PALM2AKAP2: variants seen among roughly 807,000 people sequenced by gnomAD.
PALM2AKAP2 encodes PALM2 and AKAP2 fusion, also known as PALM2-AKAP2 fusion protein.
PALM2AKAP2 carries 37 observed loss-of-function variants against 71.5 expected under a neutral mutation model. That is an observed-to-expected ratio of 0.52 (90% CI 0.40 to 0.68). The LOEUF (loss-of-function observed/expected upper bound fraction) is 0.68. Ranked by LOEUF, PALM2AKAP2 falls within the 30% of genes least tolerant of loss-of-function variation. The probability of loss-of-function intolerance (pLI) is 0.00; values close to 1 mark genes in which losing one functional copy is unlikely to be tolerated. For missense variants in PALM2AKAP2, 1,224 were observed against 1,191.8 expected (o/e 1.03, Z -0.40); for synonymous variants, 468 against 478.8 (o/e 0.98, Z 0.29).
At chr9:110,087,038 C>T (rs1180146034) in intron 1 of PALM2AKAP2, among the ~76,000 whole-genome samples, 2 of 152,168 alleles carry the variant, frequency 1.3e-5, no homozygotes, top group African/African-American at 4.8e-5. Context: ...CCATTCCATA[C>T]CTCAGGTGAC....
intron 3 of PALM2AKAP2, among the ~76,000 whole-genome samples, chr9:109,912,886 C>A (rs1051521514): frequency 6.6e-6 from 1 of 152,170 alleles, no homozygotes; most frequent in Non-Finnish European, 1.5e-5. Context: ...AATTCACCCC[C>A]GATTAGTTTT....
intron 1 of PALM2AKAP2, among the ~76,000 whole-genome samples, chr9:109,678,428 T>C (rs1210391061): frequency 6.6e-6 from 1 of 152,248 alleles, no homozygotes; most frequent in Non-Finnish European, 1.5e-5. Context: ...GAGATGAAGA[T>C]GATTCCCATT....
intron 1 of PALM2AKAP2, among the ~76,000 whole-genome samples, chr9:109,694,344 A>T (rs2118558464): frequency 6.6e-6 from 1 of 152,238 alleles, no homozygotes; most frequent in South Asian, 2.1e-4. Flanking sequence ...ACACACAATT[A>T]CTTCTTAAAT....
In PALM2AKAP2 at chr9:109,869,396, T is replaced by A. The variant is rs138944061; in HGVS notation, c.126+1825T>A. Among the ~76,000 whole-genome samples, 4 of 152,278 alleles carry A rather than the reference T, an allele frequency of 2.6e-5. No individual in the cohort carries two copies. In the East Asian group the frequency reaches 7.7e-4, roughly 29 times the overall value. On this transcript the variant is annotated intron_variant, in intron 2 of 9. Transcript: ENST00000302798. ...CAGGCTGGAGTTCAGTGGCATGATT[T>A]CAGCTCACTGCAAGCTCCGCCTCCC...
At chr9:110,116,360 G>A (rs1212459449) in intron 1 of PALM2AKAP2, among the ~76,000 whole-genome samples, 2 of 151,646 alleles carry the variant, frequency 1.3e-5, no homozygotes, top group Non-Finnish European at 2.9e-5. Context: ...GAGCCCGTGT[G>A]TGCGTGTGTG....
chr9:109,734,560 A>G (rs577662381), intron 1 of PALM2AKAP2, among the ~76,000 whole-genome samples: 28 of 152,336 alleles, frequency 1.8e-4, no homozygotes, highest in East Asian at 1.7e-3. Context: ...AGACAATTCA[A>G]TTGGACAGCC....
intron 3 of PALM2AKAP2, among the ~76,000 whole-genome samples, chr9:110,163,632 A>G (rs1303419556): frequency 6.6e-6 from 1 of 152,186 alleles, no homozygotes. Context: ...TAAGCGGTAA[A>G]TCATGTTGCA....
At chr9:109,938,932 G>C (rs1831292871) in intron 6 of PALM2AKAP2, among the ~76,000 whole-genome samples, 3 of 152,114 alleles carry the variant, frequency 2.0e-5, no homozygotes, top group Admixed American at 2.0e-4. Flanking sequence ...GGGAGGCTGA[G>C]GCAGGAGAAT....
chr9:110,157,642 C>G (rs1836492517), intron 3 of PALM2AKAP2, among the ~76,000 whole-genome samples: 1 of 152,118 alleles, frequency 6.6e-6, no homozygotes, highest in Non-Finnish European at 1.5e-5. Flanking sequence ...TCAAGGGATA[C>G]TCCCACCCCA....
At chr9:109,836,666 G>C (rs1292596764) in intron 1 of PALM2AKAP2, among the ~76,000 whole-genome samples, 1 of 152,212 alleles carries the variant, frequency 6.6e-6, no homozygotes, top group East Asian at 1.9e-4. Context: ...AGAATAACCA[G>C]TGTAGAGAAG....
At chr9:109,984,682 A>C (rs1832340041) in intron 6 of PALM2AKAP2, among the ~76,000 whole-genome samples, 1 of 148,966 alleles carries the variant, frequency 6.7e-6, no homozygotes, top group Non-Finnish European at 1.5e-5. Context: ...CATAGGAAGA[A>C]TCTAGCTCTA....
chr9:109,940,346 G>C (rs1206821840), intron 6 of PALM2AKAP2, among the ~76,000 whole-genome samples: 1 of 152,166 alleles, frequency 6.6e-6, no homozygotes. Flanking sequence ...TTAAGAGAGG[G>C]ATGACTTAGA....
intron 1 of PALM2AKAP2, among the ~76,000 whole-genome samples, chr9:109,747,743 C>T (rs1828825144): frequency 6.6e-6 from 1 of 152,046 alleles, no homozygotes; most frequent in Non-Finnish European, 1.5e-5. Flanking sequence ...GATCTCGGCT[C>T]ACTGCAACCT....
chr9:109,884,292 T>C (rs556872208), intron 3 of PALM2AKAP2, among the ~76,000 whole-genome samples: 16 of 152,118 alleles, frequency 1.1e-4, no homozygotes, highest in Admixed American at 6.5e-5. Context: ...CAAAACCCCA[T>C]CTCTACTAAA....
chr9:109,987,831 G>T (rs375133397), intron 6 of PALM2AKAP2, among the ~76,000 whole-genome samples: 28 of 152,304 alleles, frequency 1.8e-4, no homozygotes, highest in African/African-American at 6.5e-4. Flanking sequence ...AAACATCACC[G>T]TACCTCACAG....
At chr9:109,953,881 C>T (rs1397205939) in intron 6 of PALM2AKAP2, among the ~76,000 whole-genome samples, 1 of 151,356 alleles carries the variant, frequency 6.6e-6, no homozygotes, top group Non-Finnish European at 1.5e-5. Flanking sequence ...TGGAGATGCC[C>T]CTGAGACTGG....
chr9:109,917,925 G>T (rs1296234128), intron 3 of PALM2AKAP2, among the ~76,000 whole-genome samples: 1 of 152,084 alleles, frequency 6.6e-6, no homozygotes, highest in East Asian at 1.9e-4. Context: ...TTTCAGGTGG[G>T]CATGTTGCCA....
chr9:109,910,527 C>T (rs1830544413), intron 3 of PALM2AKAP2, among the ~76,000 whole-genome samples: 1 of 152,132 alleles, frequency 6.6e-6, no homozygotes, highest in South Asian at 2.1e-4. Context: ...AAGAGGTGCC[C>T]ATATGGAGAA....
At chr9:110,091,816 A>G (rs921785647) in intron 1 of PALM2AKAP2, among the ~76,000 whole-genome samples, 9 of 152,140 alleles carry the variant, frequency 5.9e-5, no homozygotes, top group African/African-American at 1.9e-4. Context: ...TTTGCTGTAC[A>G]TCTCTATGAG....
Sources: allele counts gnomAD v4.1 joint callset (sites outside exome capture counted in the v4.1 genomes callset), GRCh38; gene constraint gnomAD v4.1.1; transcripts MANE v1.5; gene names NCBI Gene and HGNC (gene_info 2026-07-23, HGNC 2026-07-21).